PLCB4: variants seen among roughly 807,000 people sequenced by gnomAD.
The protein encoded by PLCB4 is 1-phosphatidylinositol 4,5-bisphosphate phosphodiesterase beta-4.
In PLCB4, 77 loss-of-function variants were observed where a neutral mutation model predicts 178.8. That is an observed-to-expected ratio of 0.43 (90% confidence interval 0.36 to 0.52). The LOEUF is 0.52. Among genes scored for constraint, PLCB4 ranks in the 20% least tolerant of loss-of-function variants. PLCB4 has a pLI of 0.00. For synonymous variants in PLCB4, 496 were observed against 490.8 expected, an observed-to-expected ratio of 1.01 and a Z score of -0.14; for missense variants, 1,024 against 1,453.4, an observed-to-expected ratio of 0.70 and a Z score of 4.80.
At chr20:9,421,483 A>G (rs1405191157) in intron 27 of PLCB4, 22 bp downstream of exon 27, 2 of 1,600,626 alleles carry the variant, frequency 1.2e-6, no homozygotes, top group African/African-American at 2.7e-5. Flanking sequence ...TCAGCACGTC[A>G]AACTTACTCT....
chr20:9,131,977 C>T (rs2092283778), intron 2 of PLCB4, among the ~76,000 whole-genome samples: 1 of 152,134 alleles, frequency 6.6e-6, no homozygotes, highest in Non-Finnish European at 1.5e-5. Context: ...TCGCATGTTC[C>T]AGCCCCAGTC....
At chr20:9,276,936 C>G (rs1380397852) in intron 3 of PLCB4, among the ~76,000 whole-genome samples, 1 of 151,938 alleles carries the variant, frequency 6.6e-6, no homozygotes, top group Non-Finnish European at 1.5e-5. Context: ...GATCTTGTCT[C>G]TAAAAGAAAA....
At chr20:9,437,237 A>C in intron 30 of PLCB4, 85 bp downstream of exon 30, 1 of 1,250,828 alleles carries the variant, frequency 8.0e-7, no homozygotes, top group East Asian at 2.4e-5. Context: ...GGAAATATAT[A>C]AATTCGAAGT....
At chr20:9,352,549 C>T (rs2034442086) in intron 7 of PLCB4, among the ~76,000 whole-genome samples, 1 of 152,168 alleles carries the variant, frequency 6.6e-6, no homozygotes, top group East Asian at 1.9e-4. Flanking sequence ...TTTCTTGTGA[C>T]TATTTAGAGG....
intron 3 of PLCB4, among the ~76,000 whole-genome samples, chr20:9,287,367 C>T (rs1050548966): frequency 2.6e-5 from 4 of 151,990 alleles, no homozygotes; most frequent in Admixed American, 2.6e-4. Context: ...CTTAAAATAT[C>T]AGTTTACTTT....
At chr20:9,451,249 G>T (rs2042752579) in intron 32 of PLCB4, among the ~76,000 whole-genome samples, 1 of 152,046 alleles carries the variant, frequency 6.6e-6, no homozygotes, top group Non-Finnish European at 1.5e-5. Flanking sequence ...TATCTAATTG[G>T]ATTAATAAGG....
chr20:9,209,889 G>A (rs187105578), intron 2 of PLCB4, among the ~76,000 whole-genome samples: 5 of 150,844 alleles, frequency 3.3e-5, no homozygotes, highest in East Asian at 3.9e-4. Context: ...GCGTGAACCC[G>A]GGAGGCGAAG....
At chr20:9,126,054 T>C (rs567488448) in intron 2 of PLCB4, among the ~76,000 whole-genome samples, 1 of 152,256 alleles carries the variant, frequency 6.6e-6, no homozygotes, top group East Asian at 1.9e-4. Context: ...GTAAAGACAG[T>C]AATGGGATTG....
chr20:9,323,198 C>T (rs139862872), intron 4 of PLCB4, among the ~76,000 whole-genome samples: 69 of 152,314 alleles, frequency 4.5e-4, no homozygotes, highest in Non-Finnish European at 8.1e-4. Context: ...ACTTGCTGTT[C>T]TCCCTCTGGA....
chr20:9,440,935 C>G (rs188628313), intron 30 of PLCB4, among the ~76,000 whole-genome samples: 2 of 152,208 alleles, frequency 1.3e-5, no homozygotes, highest in Non-Finnish European at 2.9e-5. Context: ...AGAGGTTACT[C>G]TAAGCTACTT....
At chr20:9,100,677 A>G (rs957109144) in intron 2 of PLCB4, among the ~76,000 whole-genome samples, 2 of 152,190 alleles carry the variant, frequency 1.3e-5, no homozygotes, top group Non-Finnish European at 2.9e-5. Context: ...TACATGCACC[A>G]TGTAATCAAA....
At chr20:9,449,107 C>A (rs142060564) in intron 32 of PLCB4, among the ~76,000 whole-genome samples, 1 of 152,022 alleles carries the variant, frequency 6.6e-6, no homozygotes, top group African/African-American at 2.4e-5. Context: ...CACTTCAATT[C>A]GAAATGGAAA....
chr20:9,294,263 C>T (rs1213406661), intron 3 of PLCB4, among the ~76,000 whole-genome samples: 1 of 152,082 alleles, frequency 6.6e-6, no homozygotes, highest in Non-Finnish European at 1.5e-5. Context: ...GAAGTCTGCA[C>T]TGCAGATTAA....
intron 25 of PLCB4, among the ~76,000 whole-genome samples, chr20:9,412,116 T>A (rs1417293146): frequency 6.6e-6 from 1 of 152,252 alleles, no homozygotes; most frequent in Non-Finnish European, 1.5e-5. Flanking sequence ...TTTCCTCTGC[T>A]GTGTGCTTTG....
At chr20:9,334,198 T>C (rs1432262504) in intron 4 of PLCB4, among the ~76,000 whole-genome samples, 2 of 152,138 alleles carry the variant, frequency 1.3e-5, no homozygotes, top group Non-Finnish European at 2.9e-5. Flanking sequence ...CAACCAGGAT[T>C]GGAGAGTGTT....
At chr20:9,152,669 A>G (rs563240260) in intron 2 of PLCB4, among the ~76,000 whole-genome samples, 3 of 152,314 alleles carry the variant, frequency 2.0e-5, no homozygotes, top group African/African-American at 7.2e-5. Context: ...CTGCTAGGGC[A>G]TCGTGGAAGG....
intron 3 of PLCB4, among the ~76,000 whole-genome samples, chr20:9,282,583 A>G (rs2094503446): frequency 6.6e-6 from 1 of 152,000 alleles, no homozygotes; most frequent in African/African-American, 2.4e-5. Flanking sequence ...ACACAATCAC[A>G]GTGCCCACTT....
intron 2 of PLCB4, among the ~76,000 whole-genome samples, chr20:9,203,384 C>T (rs1235769316): frequency 1.3e-5 from 2 of 152,128 alleles, no homozygotes; most frequent in African/African-American, 2.4e-5. Flanking sequence ...CAGCTTCCTA[C>T]CAGCAGGTTA....
intron 2 of PLCB4, among the ~76,000 whole-genome samples, chr20:9,201,734 T>C (rs1438310723): frequency 1.3e-5 from 2 of 152,126 alleles, no homozygotes; most frequent in Admixed American, 6.6e-5. Context: ...AAAAACTAGA[T>C]GGTACCAAGT....
Sources: allele counts gnomAD v4.1 joint callset (sites outside exome capture counted in the v4.1 genomes callset), GRCh38; gene constraint gnomAD v4.1.1; transcripts MANE v1.5; gene names NCBI Gene and HGNC (gene_info 2026-07-23, HGNC 2026-07-21).